The following TYW1 variants were observed in gnomAD, a reference collection of about 807,000 sequenced individuals.
TYW1 encodes the protein tRNA-yW synthesizing protein 1 homolog.
TYW1 carries 46 observed loss-of-function variants against 96.2 expected under a neutral mutation model. The observed-to-expected ratio is 0.48, with a 90% CI of 0.38 to 0.61. TYW1 has a LOEUF of 0.61. Ranked by LOEUF, TYW1 falls within the 20% of genes least tolerant of loss-of-function variation. The pLI is 0.00. For synonymous variants in TYW1, 274 were observed against 323.0 expected (o/e 0.85, Z 1.63); for missense variants, 684 against 909.6 (o/e 0.75, Z 3.19).
chr7:67,184,033 G>A (rs1799924419), intron 14 of TYW1, among the ~76,000 whole-genome samples: 1 of 152,038 alleles, frequency 6.6e-6, no homozygotes, highest in Non-Finnish European at 1.5e-5. Flanking sequence ...TGCCCAGGCT[G>A]GTCTCAAACT....
chr7:67,203,145 C>A (rs1253016203), intron 15 of TYW1, among the ~76,000 whole-genome samples: 1 of 152,214 alleles, frequency 6.6e-6, no homozygotes, highest in Non-Finnish European at 1.5e-5. Context: ...TACCAACTAT[C>A]CCTAGCCTCT....
chr7:67,101,568 T>G (rs1797089258), intron 12 of TYW1, among the ~76,000 whole-genome samples: 1 of 152,082 alleles, frequency 6.6e-6, no homozygotes, highest in African/African-American at 2.4e-5. Flanking sequence ...CAGGCTGGAG[T>G]GCAGTGGCAC....
rs764496540 is a variant in TYW1, at chr7:67,195,350, CAAACAT to C, written c.1977+14_1977+19del. Reference sequence around the variant, plus strand: ...AGCACACAGAAAGGTAAGAATAACTCAAACATGGATTCTTCTGTTCCCCGACCCTGC... The same window carrying C: ...AGCACACAGAAAGGTAAGAATAACTCGGATTCTTCTGTTCCCCGACCCTGC... On this transcript the variant is annotated intron_variant, in intron 15 of 15. Coordinates refer to ENST00000359626, the MANE Select transcript of TYW1 (RefSeq NM_018264.4). 1 of 1,613,220 alleles carries C rather than the reference CAAACAT, an allele frequency of 6.2e-7. No individual in the cohort carries two copies. Among genetic ancestry groups the C allele is most frequent in the Admixed American group, 1.7e-5 (1 of 59,968 alleles).
At chr7:67,011,784 A>G (rs1793807066) in intron 4 of TYW1, among the ~76,000 whole-genome samples, 3 of 151,844 alleles carry the variant, frequency 2.0e-5, no homozygotes, top group Admixed American at 2.0e-4. Context: ...GAGGCAGGAG[A>G]ATTGCTTGAA....
intron 11 of TYW1, among the ~76,000 whole-genome samples, chr7:67,094,920 G>A (rs1442747671): frequency 2.6e-5 from 4 of 152,006 alleles, no homozygotes; most frequent in Non-Finnish European, 2.9e-5. Context: ...ATCAAGGCCC[G>A]TTGTTTTGGG....
intron 12 of TYW1, among the ~76,000 whole-genome samples, chr7:67,099,420 A>G (rs751605526): frequency 2.2e-4 from 34 of 152,198 alleles, no homozygotes; most frequent in Non-Finnish European, 4.4e-4. Context: ...AAAGACGTGG[A>G]GTTGGGGTAT....
intron 15 of TYW1, among the ~76,000 whole-genome samples, chr7:67,223,108 G>A (rs1226713437): frequency 1.3e-5 from 2 of 152,036 alleles, no homozygotes; most frequent in African/African-American, 4.8e-5. Flanking sequence ...TATTCCTGTA[G>A]TTTTTAGAGC....
chr7:67,037,470 C>T (rs1794876353), intron 7 of TYW1, among the ~76,000 whole-genome samples: 1 of 149,500 alleles, frequency 6.7e-6, no homozygotes, highest in South Asian at 2.1e-4. Context: ...CACCATTGCA[C>T]TCCAGCCTGG....
intron 15 of TYW1, among the ~76,000 whole-genome samples, chr7:67,221,854 T>C: frequency 7.3e-6 from 1 of 136,070 alleles, no homozygotes. Context: ...CATAAACTAA[T>C]ACTTGTCTTT....
rs1158063221 is a variant in TYW1, at chr7:67,224,761, A to C, written c.1978-13547A>C. Among the ~76,000 whole-genome samples the C allele has an allele frequency of 2.6e-5, 4 of 152,220 alleles. No individual in the cohort carries two copies. The South Asian group carries it at 6.2e-4, about 24-fold the overall frequency. ...AGTTTCGGAGTCTGCTGATAAATTC[A>C]GCAACCAGTAACATTTATTAAGGTT... On this transcript the variant is annotated intron_variant, in intron 15 of 15. Transcript: ENST00000359626.
chr7:67,215,840 GTC>G (rs1052174630), intron 15 of TYW1, among the ~76,000 whole-genome samples: 10 of 152,094 alleles, frequency 6.6e-5, no homozygotes, highest in African/African-American at 2.4e-4. Context: ...GGCTAGGCCC[GTC>G]TCTCCTTTTC....
chr7:67,229,650 C>CAA (rs1403994373), intron 15 of TYW1, among the ~76,000 whole-genome samples: 1 of 137,146 alleles, frequency 7.3e-6, no homozygotes, highest in African/African-American at 2.8e-5. Context: ...CAAAATCAAA[C>CAA]AAACAAAAAA....
intron 13 of TYW1, among the ~76,000 whole-genome samples, chr7:67,177,723 C>T (rs191516178): frequency 2.0e-5 from 3 of 152,234 alleles, no homozygotes; most frequent in East Asian, 1.9e-4. Context: ...TCTGATACAA[C>T]GCGGGTGAAA....
chr7:67,128,120 A>G (rs1797958499), intron 13 of TYW1, among the ~76,000 whole-genome samples: 1 of 152,166 alleles, frequency 6.6e-6, no homozygotes, highest in African/African-American at 2.4e-5. Context: ...TTATTCGTTC[A>G]AATACTACTT....
intron 7 of TYW1, among the ~76,000 whole-genome samples, chr7:67,035,920 G>T (rs986809047): frequency 6.6e-6 from 1 of 150,760 alleles, no homozygotes; most frequent in East Asian, 1.9e-4. Context: ...CTTATGATCC[G>T]CCCACCTTGG....
At chr7:67,086,466 A>G (rs1266697698) in intron 11 of TYW1, among the ~76,000 whole-genome samples, 2 of 151,690 alleles carry the variant, frequency 1.3e-5, no homozygotes, top group African/African-American at 2.4e-5. Context: ...GTGTGAGGGG[A>G]GAGAGAGAGA....
chr7:67,184,648 TTTATGTTATGTTATGTTATG>T lies in TYW1; in HGVS notation c.1809+1463_1809+1482del, dbSNP rs199573674. 4.7e-3 allele frequency among the ~76,000 whole-genome samples: 208 copies of T among 44,300 alleles called. 19 individuals are homozygous for T. Among genetic ancestry groups the T allele is most frequent in the East Asian group, 6.5e-3 (13 of 1,988 alleles). The allele number at this position is 44,300 out of a possible 152,430, so 29.1% of individuals were successfully genotyped here. On this transcript the variant is annotated intron_variant, in intron 14 of 15. Coordinates refer to ENST00000359626, the MANE Select transcript of TYW1 (RefSeq NM_018264.4). ...TTTTATTTTATTTTATTTTATTTTA[TTTATGTTATGTTATGTTATG>T]TTATGTTATGTTATGTTATGTTATG...
chr7:67,219,202 A>G (rs1464432435), intron 15 of TYW1, among the ~76,000 whole-genome samples: 2 of 152,176 alleles, frequency 1.3e-5, no homozygotes, highest in Admixed American at 6.5e-5. Context: ...TTAATGTGGT[A>G]TATTACATGG....
chr7:67,012,052 C>T (rs1439660548), intron 4 of TYW1, among the ~76,000 whole-genome samples: 6 of 151,570 alleles, frequency 4.0e-5, no homozygotes, highest in Non-Finnish European at 7.4e-5. Context: ...CTAAAACTTT[C>T]TTTAAAAAAA....
Sources: allele counts gnomAD v4.1 joint callset (sites outside exome capture counted in the v4.1 genomes callset), GRCh38; gene constraint gnomAD v4.1.1; transcripts MANE v1.5; gene names NCBI Gene and HGNC (gene_info 2026-07-23, HGNC 2026-07-21).